The following PLCB4 variants were observed in gnomAD, a reference collection of about 807,000 sequenced individuals.
PLCB4 encodes the protein phospholipase C beta 4.
Under a neutral mutation model 178.8 loss-of-function variants are expected in PLCB4, and 77 were observed. The ratio of observed to expected loss-of-function variants is 0.43; its 90% CI spans 0.36 to 0.52. PLCB4 has a LOEUF of 0.52. PLCB4 is among the 20% of genes least tolerant of loss of function. PLCB4 has a pLI of 0.00. For missense variants in PLCB4, 1,024 were observed against 1,453.4 expected, an observed-to-expected ratio of 0.70 and a Z score of 4.80; for synonymous variants, 496 against 490.8, an observed-to-expected ratio of 1.01 and a Z score of -0.14.
At chr20:9,139,316 G>A (rs2092442430) in intron 2 of PLCB4, among the ~76,000 whole-genome samples, 1 of 152,016 alleles carries the variant, frequency 6.6e-6, no homozygotes, top group African/African-American at 2.4e-5. Context: ...GCTCAGCTGG[G>A]CAGTTCTTCT....
chr20:9,380,846 G>A (rs186661172), intron 13 of PLCB4, among the ~76,000 whole-genome samples: 3 of 152,334 alleles, frequency 2.0e-5, no homozygotes, highest in Non-Finnish European at 2.9e-5. Flanking sequence ...TTATGTCTCA[G>A]TGGAGAATGT....
At chr20:9,323,695 CCCAGGAGT>C (rs1286317887) in intron 4 of PLCB4, among the ~76,000 whole-genome samples, 1 of 152,126 alleles carries the variant, frequency 6.6e-6, no homozygotes, top group East Asian at 1.9e-4. Context: ...AGACAGCTGC[CCCAGGAGT>C]CCCCTCATTG....
chr20:9,146,205 TG>T lies in PLCB4; in HGVS notation c.-79+49868del, dbSNP rs1404876766. 3.9e-5 allele frequency among the ~76,000 whole-genome samples: 6 copies of T among 152,224 alleles called. No homozygotes were observed. In the South Asian group the frequency reaches 8.3e-4, roughly 21 times the overall value. On this transcript the variant is annotated intron_variant, in intron 2 of 39. Transcript: ENST00000378473. ...TACAATTCTTGAAGAATTGTTTCGG[TG>T]GGGGTGCCTACATAGATCCAAATTA...
chr20:9,377,769 T>A (rs914474127), intron 12 of PLCB4, among the ~76,000 whole-genome samples: 4 of 152,188 alleles, frequency 2.6e-5, no homozygotes, highest in African/African-American at 9.7e-5. Flanking sequence ...AGTGTTTAAT[T>A]GGGAGGACAT....
chr20:9,236,970 T>C (rs1479650966), intron 3 of PLCB4, among the ~76,000 whole-genome samples: 1 of 152,170 alleles, frequency 6.6e-6, no homozygotes, highest in Non-Finnish European at 1.5e-5. Context: ...ATGTGATAGG[T>C]TTTATTCTAA....
intron 7 of PLCB4, among the ~76,000 whole-genome samples, chr20:9,358,787 T>C (rs1483169687): frequency 6.6e-6 from 1 of 152,038 alleles, no homozygotes; most frequent in Non-Finnish European, 1.5e-5. Flanking sequence ...CAATCCCATC[T>C]ACTCATGAGG....
intron 3 of PLCB4, among the ~76,000 whole-genome samples, chr20:9,260,707 A>G (rs1470483259): frequency 1.3e-5 from 2 of 152,116 alleles, no homozygotes; most frequent in African/African-American, 4.8e-5. Flanking sequence ...TTGGATTGGC[A>G]GAGGAGGGAA....
chr20:9,152,855 G>A (rs1421037351), intron 2 of PLCB4, among the ~76,000 whole-genome samples: 1 of 152,106 alleles, frequency 6.6e-6, no homozygotes, highest in Non-Finnish European at 1.5e-5. Context: ...GCATCTGGGA[G>A]GGAGGCTGTA....
intron 30 of PLCB4, among the ~76,000 whole-genome samples, chr20:9,443,430 A>C (rs2042226430): frequency 6.6e-6 from 1 of 152,172 alleles, no homozygotes; most frequent in Non-Finnish European, 1.5e-5. Context: ...AGCTCCTATG[A>C]ATTTTGGCTG....
At chr20:9,213,486 A>G (rs1405713232) in intron 2 of PLCB4, among the ~76,000 whole-genome samples, 1 of 152,126 alleles carries the variant, frequency 6.6e-6, no homozygotes, top group East Asian at 1.9e-4. Context: ...AGTCATGTGT[A>G]TCTGTGTTGC....
intron 32 of PLCB4, among the ~76,000 whole-genome samples, chr20:9,450,684 G>A (rs1209834367): frequency 9.3e-5 from 9 of 97,138 alleles, no homozygotes; most frequent in East Asian, 3.1e-4. Flanking sequence ...TTTTTGAGAT[G>A]GAGTCTTGCT....
At position 9,147,067 on chromosome 20, in the gene PLCB4, C is replaced by T. The variant is rs189729942; in HGVS notation, c.-79+50725C>T. Among the ~76,000 whole-genome samples the T allele has an allele frequency of 3.1e-3, 476 of 152,192 alleles. 3 individuals are homozygous for T. Among genetic ancestry groups the T allele is most frequent in the Admixed American group, 4.9e-3 (75 of 15,276 alleles). The stretch of plus-strand genomic sequence containing the variant: ...TCATCTTGTGAGAGAAAATAAAAGA[C>T]GTGGCCTGATTGGCAAAAAGATTGG... On this transcript the variant is annotated intron_variant, in intron 2 of 39. Transcript: ENST00000378473.
chr20:9,136,773 G>T (rs1365814381), intron 2 of PLCB4, among the ~76,000 whole-genome samples: 1 of 152,060 alleles, frequency 6.6e-6, no homozygotes, highest in Non-Finnish European at 1.5e-5. Flanking sequence ...TTTCATATGG[G>T]AAGGATAGAG....
Position 9,074,807 on chromosome 20 carries a change from TAAACAAAACAAAACAAAACAAAAC to T in PLCB4, c.-135+5605_-135+5628del, listed in dbSNP as rs1300410253. On this transcript the variant is annotated intron_variant, in intron 1 of 39. Coordinates refer to ENST00000378473, the MANE Select transcript of PLCB4 (RefSeq NM_001377142.1). ...CCAGCTAGGCTTTTTTTTTTTTTTT[TAAACAAAACAAAACAAAACAAAAC>T]AAAACAAAACAAAACAAAACATATT... Among the ~76,000 whole-genome samples the T allele has an allele frequency of 2.5e-3, 311 of 123,430 alleles. 40 individuals are homozygous for T. Among genetic ancestry groups the T allele is most frequent in the Middle Eastern group, 0.012 (3 of 248 alleles). 81.0% of individuals were successfully genotyped at this position (123,430 alleles called of 152,430 possible).
chr20:9,406,963 A>G (rs2039487197), intron 21 of PLCB4, among the ~76,000 whole-genome samples: 1 of 152,240 alleles, frequency 6.6e-6, no homozygotes, highest in African/African-American at 2.4e-5. Flanking sequence ...ATCAATAAAT[A>G]AACTAATTTG....
intron 9 of PLCB4, chr20:9,370,954 T>C: frequency 5.2e-6 from 2 of 383,354 alleles, no homozygotes; most frequent in Non-Finnish European, 9.4e-6. Context: ...CCAGTGCCGC[T>C]TGCCCCTTGT....
rs769643764 is a variant in PLCB4 at position 9,105,585 on chromosome 20, ATGAT to A, written c.-79+9247_-79+9250del. Reference sequence around the variant, plus strand: ...TATTAAAGAATATTTTAAGTCAATGATGATTGAACAATGGTATTGATACAGGGAT... The same window carrying A: ...TATTAAAGAATATTTTAAGTCAATGATGAACAATGGTATTGATACAGGGAT... On this transcript the variant is annotated intron_variant, in intron 2 of 39. Coordinates refer to ENST00000378473, the MANE Select transcript of PLCB4 (RefSeq NM_001377142.1). Among the ~76,000 whole-genome samples the A allele has an allele frequency of 1.6e-4, 25 of 152,254 alleles. No individual in the cohort carries two copies. In the East Asian group the frequency reaches 4.4e-3, roughly 27 times the overall value.
intron 2 of PLCB4, among the ~76,000 whole-genome samples, chr20:9,192,751 G>A (rs891544184): frequency 1.3e-5 from 2 of 151,164 alleles, no homozygotes; most frequent in Non-Finnish European, 2.9e-5. Context: ...GGAGGTTGAG[G>A]CTACAGTGAA....
intron 28 of PLCB4, among the ~76,000 whole-genome samples, chr20:9,429,747 G>T (rs1402058896): frequency 6.6e-6 from 1 of 152,144 alleles, no homozygotes; most frequent in Non-Finnish European, 1.5e-5. Flanking sequence ...TATGCCTCTG[G>T]CCAGTGGAGA....
Sources: allele counts gnomAD v4.1 joint callset (sites outside exome capture counted in the v4.1 genomes callset), GRCh38; gene constraint gnomAD v4.1.1; transcripts MANE v1.5; gene names NCBI Gene and HGNC (gene_info 2026-07-23, HGNC 2026-07-21).